ADGRG4: variants seen among roughly 807,000 people sequenced by gnomAD.
ADGRG4 encodes adhesion G protein-coupled receptor G4, also known as G protein-coupled receptor 112.
ADGRG4 carries 122 observed loss-of-function variants against 126.2 expected under a neutral mutation model. The observed-to-expected ratio is 0.97, with a 90% CI of 0.83 to 1.12. The LOEUF (loss-of-function observed/expected upper bound fraction) is 1.12. Among genes scored for constraint, ADGRG4 ranks in the 50% most tolerant of loss-of-function variants. The pLI is 0.00. For missense variants in ADGRG4, 2,481 were observed against 2,251.8 expected (o/e 1.10, Z -2.06); for synonymous variants, 943 against 838.7 (o/e 1.12, Z -2.15).
Position 136,347,989 on chromosome X carries a change from A to G in ADGRG4, c.4283A>G (p.Asn1428Ser), listed in dbSNP as rs1183880978. 2 of 1,210,878 alleles carry G rather than the reference A, an allele frequency of 1.7e-6. No individual in the cohort carries two copies. Among genetic ancestry groups the G allele is most frequent in the African/African-American group, 3.5e-5 (2 of 57,768 alleles). ...ACTTCCAGCTCAACAAGGATATCAA[A>G]TCCTATGGACATCAATACAACTTTT... is the stretch of plus-strand genomic sequence containing the variant. ...TTTSSSTRISNPMDINTTFSH... is the reference protein window; with the variant it reads ...TTTSSSTRISSPMDINTTFSH... The change falls in exon 6 of 26, where the codon AAT becomes AGT. Residue 1428 changes from asparagine to serine, a missense_variant. Asn to Ser is a conservative substitution (Grantham distance 46). Transcript: ENST00000394143.
In ADGRG4 at chrX:136,403,321, T is replaced by C. The variant is rs1174821242; in HGVS notation, c.8653T>C (p.Phe2885Leu). 1 of 1,185,436 alleles carries C rather than the reference T, an allele frequency of 8.4e-7. No individual in the cohort carries two copies. Among genetic ancestry groups the C allele is most frequent in the African/African-American group, 1.8e-5 (1 of 56,774 alleles). Reference sequence around the variant, plus strand: ...TGGAACTCTGAGCCCAACAACTCCGTTGTAAGTACCAGCATCTCTGTTTCT... The same window carrying C: ...TGGAACTCTGAGCCCAACAACTCCGCTGTAAGTACCAGCATCTCTGTTTCT... ...LYGTLSPTTP[F>L]CWIKDDSIFY... The change falls in exon 22 of 26, where the codon TTT becomes CTT. Residue 2885 changes from phenylalanine to leucine, a missense_variant and splice_region_variant. By Grantham distance (22) the Phe-to-Leu change is conservative. Coordinates refer to ENST00000394143, the MANE Select transcript of ADGRG4 (RefSeq NM_153834.4).
intron 11 of ADGRG4, among the ~76,000 whole-genome samples, chrX:136,361,189 A>T (rs1467536259): frequency 9.1e-6 from 1 of 109,491 alleles, no homozygotes; most frequent in Non-Finnish European, 1.9e-5. Flanking sequence ...TGTTTTAATG[A>T]AAAGGACTAA....
chrX:136,315,227 G>C (rs1211271697), intron 4 of ADGRG4, among the ~76,000 whole-genome samples: 1 of 110,571 alleles, frequency 9.0e-6, no homozygotes, highest in African/African-American at 3.3e-5. Flanking sequence ...CTATGGCCAT[G>C]GTGATGTGGG....
chrX:136,361,179 T>C (rs984802741), intron 11 of ADGRG4, among the ~76,000 whole-genome samples: 1 of 109,318 alleles, frequency 9.1e-6, no homozygotes, highest in African/African-American at 3.3e-5. Context: ...ATCAATTCGT[T>C]GTTTTAATGA....
At chrX:136,409,366 G>T (rs1299474874) in intron 23 of ADGRG4, among the ~76,000 whole-genome samples, 1 of 111,832 alleles carries the variant, frequency 8.9e-6, no homozygotes, top group Non-Finnish European at 1.9e-5. Context: ...TCAGGCAGAG[G>T]GGGAGAGTTG....
chrX:136,343,788 T>C (rs1316273008), intron 5 of ADGRG4, among the ~76,000 whole-genome samples: 1 of 111,783 alleles, frequency 8.9e-6, no homozygotes, highest in Non-Finnish European at 1.9e-5. Context: ...TTTATGCACA[T>C]TAACTCAATC....
intron 5 of ADGRG4, 146 bp from the exon 6 acceptor site, chrX:136,344,246 A>G: frequency 2.2e-6 from 1 of 445,929 alleles, no homozygotes. Flanking sequence ...GTAGAAAATT[A>G]TCTTAAGGAA....
rs770074026 is a variant in ADGRG4 at position 136,346,729 on chromosome X, C to T, written c.3023C>T (p.Pro1008Leu). 21 of 1,210,395 alleles carry T rather than the reference C, an allele frequency of 1.7e-5. No individual in the cohort carries two copies. The South Asian group carries it at 3.5e-4, about 20-fold the overall frequency. Residue 1008 changes from proline to leucine, a missense_variant, in exon 6 of 26, where the codon CCT becomes CTT. Physicochemically the swap from Pro to Leu is moderately conservative, Grantham distance 98. Transcript: ENST00000394143. Reference protein sequence around the residue: ...QPTAAHSSATPVPVTHMFSLP... With the variant: ...QPTAAHSSATLVPVTHMFSLP... ...ACAGCTGCTCATTCCTCAGCAACCC[C>T]TGTGCCTGTTACTCATATGTTCTCA...
At chrX:136,397,687 C>T (rs2075358282) in intron 19 of ADGRG4, among the ~76,000 whole-genome samples, 194 bp from the exon 20 acceptor site, 1 of 111,063 alleles carries the variant, frequency 9.0e-6, no homozygotes, top group African/African-American at 3.3e-5. Flanking sequence ...GCCCTGTACA[C>T]AGTCAGTTGG....
chrX:136,407,172 A>G (rs960272719), intron 23 of ADGRG4, among the ~76,000 whole-genome samples: 1 of 109,562 alleles, frequency 9.1e-6, no homozygotes, highest in African/African-American at 3.3e-5. Context: ...TTTTTTTTTC[A>G]TTCAATAAAC....
At chrX:136,376,099 G>T (rs190698957) in intron 15 of ADGRG4, among the ~76,000 whole-genome samples, 130 of 111,862 alleles carry the variant, frequency 1.2e-3, no homozygotes, top group African/African-American at 4.1e-3. Flanking sequence ...TGGGGATCCA[G>T]TTTCATTTTT....
chrX:136,361,027 T>C, intron 11 of ADGRG4, among the ~76,000 whole-genome samples: 1 of 110,269 alleles, frequency 9.1e-6, no homozygotes, highest in South Asian at 3.9e-4. Flanking sequence ...GACAGAACAA[T>C]GTCAGGTGAG....
At chrX:136,303,523 T>C (rs1449371946) in intron 1 of ADGRG4, among the ~76,000 whole-genome samples, 1 of 112,073 alleles carries the variant, frequency 8.9e-6, no homozygotes, top group East Asian at 2.8e-4. Flanking sequence ...TTATGTGATG[T>C]TTAAAAACAT....
chrX:136,402,071 T>C (rs1189627585), intron 21 of ADGRG4, among the ~76,000 whole-genome samples: 1 of 112,264 alleles, frequency 8.9e-6, no homozygotes, highest in Non-Finnish European at 1.9e-5. Flanking sequence ...TTTTGGAGCA[T>C]TTCAATATTA....
rs1430959189 is a variant in ADGRG4, at chrX:136,342,193, G to T, written c.686-2199G>T. On this transcript the variant is annotated intron_variant, in intron 5 of 25. Coordinates refer to ENST00000394143, the MANE Select transcript of ADGRG4 (RefSeq NM_153834.4). ...CAGAAGCAAACTTTGAGTTCTCTGA[G>T]ATTTCTGTCTTCTTTATCTCTTAAA... Among the ~76,000 whole-genome samples the T allele has an allele frequency of 2.7e-5, 3 of 112,049 alleles. No homozygotes were observed. In the East Asian group the frequency reaches 8.4e-4, roughly 32 times the overall value.
chrX:136,377,167 C>CTTTTTTT (rs1184343263), intron 15 of ADGRG4, among the ~76,000 whole-genome samples: 130 of 48,639 alleles, frequency 2.7e-3, no homozygotes, highest in African/African-American at 9.3e-3. Flanking sequence ...GTTTTCTTTC[C>CTTTTTTT]TTTTTTTTTT....
intron 6 of ADGRG4, among the ~76,000 whole-genome samples, 164 bp from the exon 7 acceptor site, chrX:136,351,283 C>T (rs911387243): frequency 1.8e-5 from 2 of 110,992 alleles, no homozygotes; most frequent in African/African-American, 3.3e-5. Flanking sequence ...GATATGGAGC[C>T]GAAAGTGTTG....
At chrX:136,315,061 G>A (rs1386257994) in intron 4 of ADGRG4, among the ~76,000 whole-genome samples, 2 of 111,191 alleles carry the variant, frequency 1.8e-5, no homozygotes, top group Non-Finnish European at 1.9e-5. Flanking sequence ...GGACAACTCT[G>A]TGGCTGGTGA....
chrX:136,378,335 C>T (rs1176738225), intron 15 of ADGRG4, among the ~76,000 whole-genome samples: 1 of 111,157 alleles, frequency 9.0e-6, no homozygotes, highest in Non-Finnish European at 1.9e-5. Flanking sequence ...TATATATACA[C>T]ATTTTGTTTC....
Sources: allele counts gnomAD v4.1 joint callset (sites outside exome capture counted in the v4.1 genomes callset), GRCh38; gene constraint gnomAD v4.1.1; transcripts MANE v1.5; gene names NCBI Gene and HGNC (gene_info 2026-07-23, HGNC 2026-07-21).